The following HTRA2 variants were observed in gnomAD, a reference collection of about 807,000 sequenced individuals.
HTRA2 encodes HtrA serine peptidase 2.
In HTRA2, 24 loss-of-function variants were observed where a neutral mutation model predicts 42.2. The ratio of observed to expected loss-of-function variants is 0.57; its 90% CI spans 0.41 to 0.80. The LOEUF is 0.80. Ranked by LOEUF, HTRA2 falls within the 30% of genes least tolerant of loss-of-function variation. The pLI is 0.00. For missense variants in HTRA2, 466 were observed against 613.5 expected, an observed-to-expected ratio of 0.76 and a Z score of 2.54; for synonymous variants, 245 against 255.8, an observed-to-expected ratio of 0.96 and a Z score of 0.40.
At chr2:74,531,283 A>G (rs1675578619) in intron 3 of HTRA2, 56 bp from the exon 4 acceptor site, 1 of 1,595,632 alleles carries the variant, frequency 6.3e-7, no homozygotes, top group South Asian at 1.1e-5. Flanking sequence ...ACATCCTGGT[A>G]TGCCCCCAGA....
Position 74,530,635 on chromosome 2 carries a change from C to T in HTRA2, c.525C>T (p.Arg175=), listed in dbSNP as rs768701675. The change falls in exon 2 of 8, where the codon CGC becomes CGT. Residue 175 remains arginine (R), a synonymous_variant. Transcript: ENST00000258080. The surrounding 1 kb of genome is among the most constrained non-coding windows in gnomAD (Gnocchi z 7.4). ...EILDRHPFLG[R]EVPISNGSGF... ...ATTTCAGGCACCCTTTCTTGGGCCG[C>T]GAGGTCCCTATCTCGAACGGCTCAG... The T allele has an allele frequency of 1.9e-6, 3 of 1,614,024 alleles. No individual in the cohort carries two copies. Among genetic ancestry groups the T allele is most frequent in the African/African-American group, 1.3e-5 (1 of 74,920 alleles).
In HTRA2 at chr2:74,531,668, T is replaced by C. The variant is rs1173949660; in HGVS notation, c.1011T>C (p.Arg337=). The change falls in exon 5 of 8, where the codon CGT becomes CGC. Residue 337 remains arginine (R), a synonymous_variant. Transcript: ENST00000258080. ...AGISFAIPSD[R]LREFLHRGEK... is the part of the protein sequence containing the mutation. ...TCTCCTTTGCCATCCCTTCTGATCG[T>C]CTTCGAGAGTTTCTGCATCGTGGGG... 8 of 1,614,148 alleles carry C rather than the reference T, an allele frequency of 5.0e-6. No individual in the cohort carries two copies. Among genetic ancestry groups the C allele is most frequent in the Non-Finnish European group, 6.8e-6 (8 of 1,180,034 alleles).
rs1206001953 is a variant in HTRA2, at chr2:74,533,063, CAG to C, written c.*81_*82del. 5.5e-6 allele frequency: 8 copies of C among 1,444,954 alleles called. No individual in the cohort carries two copies. Among genetic ancestry groups the C allele is most frequent in the Non-Finnish European group, 7.7e-6 (8 of 1,036,722 alleles). The allele number at this position is 1,444,954 out of a possible 1,614,324, so 89.5% of individuals were successfully genotyped here. A position where few individuals can be genotyped will look rare whatever the true frequency, so the allele number is the denominator to read the frequency against. On this transcript the variant is annotated 3_prime_UTR_variant, in exon 8 of 8. Coordinates refer to ENST00000258080, the MANE Select transcript of HTRA2 (RefSeq NM_013247.5). The stretch of plus-strand genomic sequence containing the variant: ...GGCTGAGGTTCTGAGGGCACCGAGA[CAG>C]AGGGTTAAATGAACCAGTGGGGGCA...
At chr2:74,529,568 C>A, upstream of HTRA2, 1 of 1,558,350 alleles carries the variant, frequency 6.4e-7, no homozygotes, top group East Asian at 2.4e-5. Context: ...CTCTTCCCGC[C>A]GGGTCTCTTA....
Position 74,533,086 on chromosome 2 carries a change from G to A in HTRA2, c.*101G>A, listed in dbSNP as rs934380318. The A allele has an allele frequency of 7.9e-6, 9 of 1,136,580 alleles. No individual in the cohort carries two copies. The African/African-American group carries it at 1.1e-4, about 14-fold the overall frequency. The allele number at this position is 1,136,580 out of a possible 1,614,324, so 70.4% of individuals were successfully genotyped here. The stretch of plus-strand genomic sequence containing the variant: ...GACAGAGGGTTAAATGAACCAGTGG[G>A]GGCAGGTCCCTCCAACCACCAGCAC... On this transcript the variant is annotated 3_prime_UTR_variant, in exon 8 of 8. Transcript: ENST00000258080.
At chr2:74,532,105 C>T (rs190593363) in intron 6 of HTRA2, among the ~76,000 whole-genome samples, 180 bp downstream of exon 6, 87 of 152,346 alleles carry the variant, frequency 5.7e-4, no homozygotes, top group Non-Finnish European at 1.1e-3. Flanking sequence ...ACTTTGTACA[C>T]CTGTCACCAG....
chr2:74,531,590 C>A lies in HTRA2; in HGVS notation c.940-7C>A, dbSNP rs775370904. 1 of 1,614,166 alleles carries A rather than the reference C, an allele frequency of 6.2e-7. No homozygotes were observed. The highest frequency in any genetic ancestry group is 8.5e-7 in the Non-Finnish European group (1 of 1,180,024). ...AGGCTAGGGAACTGGGGGCTGTATCCCTGCAGGATGGGGAGGTGATTGGAG... is the reference window on the plus strand; with the variant it reads ...AGGCTAGGGAACTGGGGGCTGTATCACTGCAGGATGGGGAGGTGATTGGAG... On this transcript the variant is annotated splice_region_variant and splice_polypyrimidine_tract_variant and intron_variant, in intron 4 of 7. Transcript: ENST00000258080.
downstream of HTRA2, chr2:74,533,478 C>T (rs921910040): frequency 1.1e-5 from 8 of 758,130 alleles, no homozygotes; most frequent in African/African-American, 1.2e-4. Flanking sequence ...TTGACAGTTC[C>T]ACATCCATAG....
chr2:74,533,493 TG>T, downstream of HTRA2: 1 of 858,076 alleles, frequency 1.2e-6, no homozygotes, highest in South Asian at 1.5e-5. Context: ...CCATAGTGCA[TG>T]GTCTGATGAG....
chr2:74,533,340 A>T, downstream of HTRA2: 1 of 534,322 alleles, frequency 1.9e-6, no homozygotes, highest in Non-Finnish European at 3.3e-6. Context: ...GCAGTTAGTC[A>T]GGTGCTGCTC....
chr2:74,529,436 G>C (rs767639720), upstream of HTRA2: 76 of 1,578,164 alleles, frequency 4.8e-5, no homozygotes, highest in South Asian at 7.9e-4. Context: ...GCAGGACGAG[G>C]AGGCAGAACC....
At position 74,530,839 on chromosome 2, in the gene HTRA2, C is replaced by G; in HGVS notation, c.711+18C>G. 6.2e-7 allele frequency: 1 copy of G among 1,614,094 alleles called. No homozygotes were observed. Among genetic ancestry groups the G allele is most frequent in the Non-Finnish European group, 8.5e-7 (1 of 1,180,004 alleles). On this transcript the variant is annotated intron_variant, in intron 2 of 7. Coordinates refer to ENST00000258080, the MANE Select transcript of HTRA2 (RefSeq NM_013247.5). The surrounding 1 kb of genome is among the most constrained non-coding windows in gnomAD (Gnocchi z 7.4). ...AGACTAAGGTGGGGGCTGGGGTAGG[C>G]CAGGTCTGGTTGGAGCTGCTTATTT...
rs1388574054 is a variant in HTRA2 at position 74,533,184 on chromosome 2, A to C, written c.*199A>C. 1.7e-6 allele frequency: 1 copy of C among 597,378 alleles called. No homozygotes were observed. Among genetic ancestry groups the C allele is most frequent in the African/African-American group, 1.9e-5 (1 of 53,790 alleles). The allele number at this position is 597,378 out of a possible 1,614,324, so 37.0% of individuals were successfully genotyped here. On this transcript the variant is annotated 3_prime_UTR_variant, in exon 8 of 8. Coordinates refer to ENST00000258080, the MANE Select transcript of HTRA2 (RefSeq NM_013247.5). The stretch of plus-strand genomic sequence containing the variant: ...AAAATTATACCTAGCAACATATTAT[A>C]GTAAAAAATGAGGTGGGAGGGCTGG...
At position 74,531,666 on chromosome 2, in the gene HTRA2, C is replaced by T. The variant is rs766432598; in HGVS notation, c.1009C>T (p.Arg337Cys). 1.9e-6 allele frequency: 3 copies of T among 1,614,106 alleles called. No individual in the cohort carries two copies. The highest frequency in any genetic ancestry group is 8.5e-7 in the Non-Finnish European group (1 of 1,180,034). Residue 337 changes from arginine to cysteine, a missense_variant, in exon 5 of 8, where the codon CGT (arginine) becomes TGT (cysteine). Transcript: ENST00000258080. ...AATCTCCTTTGCCATCCCTTCTGAT[C>T]GTCTTCGAGAGTTTCTGCATCGTGG... is the stretch of plus-strand genomic sequence containing the variant. ...AGISFAIPSD[R>C]LREFLHRGEK... is the part of the protein sequence containing the mutation.
Position 74,531,849 on chromosome 2 carries a change from G to C in HTRA2, c.1046-7G>C. Reference sequence around the variant, plus strand: ...CTGGGTGGGGCTCATTTGTCCCTCTGTCACAGATTCCTCCTCCGGAATCAG... The same window carrying C: ...CTGGGTGGGGCTCATTTGTCCCTCTCTCACAGATTCCTCCTCCGGAATCAG... On this transcript the variant is annotated splice_region_variant and splice_polypyrimidine_tract_variant and intron_variant, in intron 5 of 7. Transcript: ENST00000258080. 3 of 1,613,840 alleles carry C rather than the reference G, an allele frequency of 1.9e-6. No individual in the cohort carries two copies. The highest frequency in any genetic ancestry group is 2.5e-6 in the Non-Finnish European group (3 of 1,180,012).
chr2:74,530,004 C>A lies in HTRA2; in HGVS notation c.-3C>A. 6.5e-7 allele frequency: 1 copy of A among 1,533,188 alleles called. No homozygotes were observed. Among genetic ancestry groups the A allele is most frequent in the Non-Finnish European group, 8.8e-7 (1 of 1,137,072 alleles). 95.0% of individuals were successfully genotyped at this position (1,533,188 alleles called of 1,614,324 possible). ...GGGCGAGGAGGCAGCCAAGGCGGAGCTGATGGCTGCGCCGAGGGCGGGGCG... is the reference window on the plus strand; with the variant it reads ...GGGCGAGGAGGCAGCCAAGGCGGAGATGATGGCTGCGCCGAGGGCGGGGCG... On this transcript the variant is annotated 5_prime_UTR_variant, in exon 1 of 8. The change creates a new upstream start codon in the 5' untranslated region. Transcript: ENST00000258080. The surrounding 1 kb of genome is among the most constrained non-coding windows in gnomAD (Gnocchi z 7.4).
At chr2:74,529,579 C>T (rs1380001073), upstream of HTRA2, 3 of 1,564,436 alleles carry the variant, frequency 1.9e-6, no homozygotes, top group Non-Finnish European at 1.7e-6. Flanking sequence ...GGGTCTCTTA[C>T]CGGTGCGAGT....
intron 5 of HTRA2, 73 bp downstream of exon 5, chr2:74,531,775 C>G (rs1193996054): frequency 1.2e-6 from 2 of 1,611,718 alleles, no homozygotes; most frequent in Admixed American, 3.3e-5. Context: ...AGTGGGACTT[C>G]CTGGAGGGTG....
At chr2:74,532,050 C>T in intron 6 of HTRA2, 125 bp downstream of exon 6, 2 of 915,846 alleles carry the variant, frequency 2.2e-6, no homozygotes, top group South Asian at 1.4e-5. Context: ...GAAATAATCA[C>T]AAGAGCTGTC....
Sources: allele counts gnomAD v4.1 joint callset (sites outside exome capture counted in the v4.1 genomes callset), GRCh38; gene constraint gnomAD v4.1.1; non-coding constraint Gnocchi (gnomAD v3.1); transcripts MANE v1.5; gene names NCBI Gene and HGNC (gene_info 2026-07-23, HGNC 2026-07-21).